The following TTC28 variants were observed in gnomAD, a reference collection of about 807,000 sequenced individuals.
TTC28 encodes tetratricopeptide repeat domain 28, also known as tetratricopeptide repeat protein 28.
TTC28 carries 61 observed loss-of-function variants against 198.0 expected under a neutral mutation model. That is an observed-to-expected ratio of 0.31 (90% CI 0.25 to 0.38). TTC28 has a LOEUF of 0.38. Ranked by LOEUF, TTC28 falls within the 10% of genes least tolerant of loss-of-function variation. The probability of loss-of-function intolerance (pLI) is 1.00; values close to 1 mark genes in which losing one functional copy is unlikely to be tolerated. For missense variants in TTC28, 2,678 were observed against 3,164.0 expected (o/e 0.85, Z 3.69); for synonymous variants, 1,171 against 1,297.8 (o/e 0.90, Z 2.10).
intron 12 of TTC28, among the ~76,000 whole-genome samples, chr22:28,064,402 A>T (rs1940674277): frequency 6.6e-6 from 1 of 152,092 alleles, no homozygotes; most frequent in South Asian, 2.1e-4. Flanking sequence ...TGTGTTTCCA[A>T]GTGTGGTTTT....
At chr22:28,466,992 A>C (rs1448760970) in intron 2 of TTC28, among the ~76,000 whole-genome samples, 1 of 152,242 alleles carries the variant, frequency 6.6e-6, no homozygotes, top group Non-Finnish European at 1.5e-5. Flanking sequence ...GTGAAGAATT[A>C]GAACCCCCAT....
chr22:28,269,259 A>C (rs997395491), intron 5 of TTC28, among the ~76,000 whole-genome samples: 1 of 152,104 alleles, frequency 6.6e-6, no homozygotes, highest in Non-Finnish European at 1.5e-5. Context: ...GGTCTTTGGA[A>C]GCTAAGGATT....
At chr22:28,577,785 C>A (rs1047782398) in intron 2 of TTC28, among the ~76,000 whole-genome samples, 3 of 151,888 alleles carry the variant, frequency 2.0e-5, no homozygotes, top group African/African-American at 7.3e-5. Flanking sequence ...TATAGCTATT[C>A]CTGCTCTTTT....
chr22:27,991,906 G>T (rs75080486), intron 19 of TTC28, among the ~76,000 whole-genome samples: 4,778 of 152,354 alleles, frequency 0.031, 84 homozygotes, highest in African/African-American at 0.043. Flanking sequence ...TGTCTTGCAT[G>T]AGAGTTGCTC....
At chr22:28,279,785 C>T (rs894557821) in intron 5 of TTC28, among the ~76,000 whole-genome samples, 2 of 152,186 alleles carry the variant, frequency 1.3e-5, no homozygotes, top group African/African-American at 4.8e-5. Context: ...TCAAACCTGT[C>T]CTCACCTCCG....
intron 12 of TTC28, among the ~76,000 whole-genome samples, chr22:28,052,774 C>T (rs941131886): frequency 6.6e-6 from 1 of 152,164 alleles, no homozygotes; most frequent in Non-Finnish European, 1.5e-5. Context: ...TAAATATGTT[C>T]TGCAGTCTTA....
chr22:28,031,592 C>A (rs969358465), intron 12 of TTC28, among the ~76,000 whole-genome samples: 4 of 152,098 alleles, frequency 2.6e-5, no homozygotes, highest in African/African-American at 9.7e-5. Flanking sequence ...TTCAAATGGC[C>A]AAGCTGGCGA....
At chr22:28,504,707 A>G (rs919357534) in intron 2 of TTC28, among the ~76,000 whole-genome samples, 3 of 152,110 alleles carry the variant, frequency 2.0e-5, no homozygotes, top group East Asian at 1.9e-4. Flanking sequence ...CCAACAGCCA[A>G]CTTTTGAGGT....
At chr22:28,020,158 T>A (rs552562427) in intron 13 of TTC28, among the ~76,000 whole-genome samples, 112 of 152,320 alleles carry the variant, frequency 7.4e-4, no homozygotes, top group Middle Eastern at 3.4e-3. Context: ...TGGCCCCTCC[T>A]GGGGGCTGCG....
intron 5 of TTC28, among the ~76,000 whole-genome samples, chr22:28,217,714 T>C (rs924179185): frequency 4.6e-5 from 7 of 152,204 alleles, no homozygotes; most frequent in Non-Finnish European, 8.8e-5. Flanking sequence ...ATATACTTAA[T>C]AAGTACAATT....
intron 3 of TTC28, among the ~76,000 whole-genome samples, chr22:28,298,484 G>A (rs999751576): frequency 1.4e-4 from 22 of 152,156 alleles, no homozygotes; most frequent in East Asian, 9.7e-4. Context: ...GTCTTGCTCC[G>A]TCACCCAGGC....
intron 2 of TTC28, among the ~76,000 whole-genome samples, chr22:28,507,368 G>C (rs146344378): frequency 9.9e-5 from 15 of 152,182 alleles, no homozygotes; most frequent in African/African-American, 3.6e-4. Flanking sequence ...AGAGAAAAAA[G>C]AATAAAAAGG....
intron 2 of TTC28, among the ~76,000 whole-genome samples, chr22:28,319,184 G>A (rs921819869): frequency 2.0e-5 from 3 of 152,022 alleles, no homozygotes; most frequent in African/African-American, 7.2e-5. Flanking sequence ...TTTTTTGGGC[G>A]TATATTTTTG....
At chr22:28,340,520 A>G (rs1055221878) in intron 2 of TTC28, among the ~76,000 whole-genome samples, 1 of 152,020 alleles carries the variant, frequency 6.6e-6, no homozygotes, top group African/African-American at 2.4e-5. Flanking sequence ...TGGATAAGTA[A>G]TCTGTCACCA....
intron 2 of TTC28, among the ~76,000 whole-genome samples, chr22:28,414,587 A>G (rs2047139791): frequency 6.6e-6 from 1 of 152,220 alleles, no homozygotes; most frequent in South Asian, 2.1e-4. Flanking sequence ...ATGAGAAAAA[A>G]GCAGCAGAAA....
intron 2 of TTC28, among the ~76,000 whole-genome samples, chr22:28,565,239 A>T (rs2049951427): frequency 6.6e-6 from 1 of 152,182 alleles, no homozygotes; most frequent in African/African-American, 2.4e-5. Context: ...AGAAAAAAAA[A>T]TTAAGAAAAA....
chr22:28,248,407 T>A (rs1930264722), intron 5 of TTC28, among the ~76,000 whole-genome samples: 1 of 152,138 alleles, frequency 6.6e-6, no homozygotes. Context: ...ATTCCAAAGG[T>A]GCTCTTAAAT....
Position 27,982,616 on chromosome 22 carries a change from C to T in TTC28, c.7051G>A (p.Asp2351Asn). 2 of 1,551,698 alleles carry T rather than the reference C, an allele frequency of 1.3e-6. No homozygotes were observed. The highest frequency in any genetic ancestry group is 1.7e-6 in the Non-Finnish European group (2 of 1,146,992). ...TTATGGACAGCCTGCACCTTTTCATCAATGGCTGCCATTTTCAGTTTGTCT... is the reference window on the plus strand; with the variant it reads ...TTATGGACAGCCTGCACCTTTTCATTAATGGCTGCCATTTTCAGTTTGTCT... The part of the protein sequence containing the change: ...DIDKLKMAAI[D>N]EKVQAVHNLK... Residue 2351 changes from aspartate to asparagine, a missense_variant, in exon 23 of 23, where the codon GAT (aspartate) becomes AAT (asparagine). Around this residue, in one of 8 missense-constraint regions of TTC28, gnomAD observed 622 missense variants for 656.0 expected, o/e 0.95. Coordinates refer to ENST00000397906, the MANE Select transcript of TTC28 (RefSeq NM_001145418.2). This position sits in a 1 kb window ranked among gnomAD's most constrained non-coding sequence, Gnocchi z 5.2.
At chr22:28,128,533 C>T (rs550018898) in intron 6 of TTC28, among the ~76,000 whole-genome samples, 1 of 151,992 alleles carries the variant, frequency 6.6e-6, no homozygotes, top group Non-Finnish European at 1.5e-5. Flanking sequence ...TTGGTATCTC[C>T]TTATTTTTTT....
Sources: gnomAD v4.1 joint callset for allele counts (sites outside exome capture counted in the v4.1 genomes callset) on GRCh38, gnomAD v4.1.1 for gene constraint, gnomAD v4.1.1 regional missense constraint, Gnocchi (gnomAD v3.1) non-coding constraint, MANE v1.5 for transcripts, NCBI Gene and HGNC (gene_info 2026-07-23, HGNC 2026-07-21) for gene names.